CTPS2: variants seen among roughly 807,000 people sequenced by gnomAD.
CTPS2 encodes the protein CTP synthase II.
In CTPS2, 19 loss-of-function variants were observed where a neutral mutation model predicts 46.8. The observed-to-expected ratio is 0.41, with a 90% CI of 0.28 to 0.60. The LOEUF is 0.60. Among genes scored for constraint, CTPS2 ranks in the 20% least tolerant of loss-of-function variants. CTPS2 has a pLI of 0.35. For synonymous variants in CTPS2, 151 were observed against 165.2 expected (o/e 0.91, Z 0.66); for missense variants, 286 against 447.6 (o/e 0.64, Z 3.26).
chrX:16,663,229 C>G (rs1280821143), intron 13 of CTPS2, among the ~76,000 whole-genome samples: 1 of 111,645 alleles, frequency 9.0e-6, no homozygotes, highest in Admixed American at 9.6e-5. Context: ...CTCACTGCAG[C>G]TCAACCCCTG....
intron 13 of CTPS2, among the ~76,000 whole-genome samples, chrX:16,642,636 C>T (rs1932135507): frequency 8.9e-6 from 1 of 111,838 alleles, no homozygotes. Context: ...ATCAGATGAT[C>T]CTACAAGCTG....
intron 6 of CTPS2, among the ~76,000 whole-genome samples, chrX:16,692,824 G>A (rs1026556265): frequency 9.0e-5 from 10 of 110,648 alleles, no homozygotes; most frequent in South Asian, 3.9e-4. Context: ...TTGGGAGGCT[G>A]AGGCGGGCGG....
At chrX:16,626,151 G>C (rs1356749712) in intron 14 of CTPS2, among the ~76,000 whole-genome samples, 3 of 111,424 alleles carry the variant, frequency 2.7e-5, no homozygotes, top group Non-Finnish European at 3.8e-5. Context: ...GGAGACCAAG[G>C]GGGGCAGATC....
intron 4 of CTPS2, among the ~76,000 whole-genome samples, chrX:16,697,042 A>T (rs1924166443): frequency 1.8e-5 from 2 of 111,773 alleles, no homozygotes; most frequent in South Asian, 7.4e-4. Context: ...CTGTGACACC[A>T]TTCTAAGCAC....
intron 17 of CTPS2, among the ~76,000 whole-genome samples, chrX:16,601,585 G>T (rs59557014): frequency 0.022 from 1,366 of 61,268 alleles, 37 homozygotes; most frequent in African/African-American, 0.088. Flanking sequence ...GGGGGGGGGG[G>T]TTTAAGTTCC....
chrX:16,709,576 T>C (rs1016297630), intron 1 of CTPS2, among the ~76,000 whole-genome samples: 1 of 106,902 alleles, frequency 9.4e-6, no homozygotes, highest in African/African-American at 3.4e-5. Flanking sequence ...TATGGCCGGG[T>C]GCAATGGCTC....
rs574139090 is a variant in CTPS2 at position 16,695,015 on chromosome X, A to C, written c.439-1528T>G. 7.5e-4 allele frequency among the ~76,000 whole-genome samples: 83 copies of C among 111,073 alleles called. 1 individual carries two copies. In the South Asian group the frequency reaches 0.031, roughly 41 times the overall value. ...TGTCTCTTTAAAAAACAACAACAAC[A>C]ACAACAACAACTCAACGAAATGAAA... On this transcript the variant is annotated intron_variant, in intron 4 of 18. Transcript: ENST00000359276.
At chrX:16,711,071 T>C (rs1487143327) in intron 1 of CTPS2, among the ~76,000 whole-genome samples, 1 of 112,214 alleles carries the variant, frequency 8.9e-6, no homozygotes, top group Non-Finnish European at 1.9e-5. Context: ...CAGAACCAAG[T>C]GTTTATAGGA....
intron 8 of CTPS2, among the ~76,000 whole-genome samples, chrX:16,684,509 C>CAAAAAAAAA (rs1334791360): frequency 2.9e-5 from 2 of 70,072 alleles, no homozygotes; most frequent in African/African-American, 5.1e-5. Flanking sequence ...ACTCTGTCTC[C>CAAAAAAAAA]AAAAAAAAAA....
In CTPS2 at chrX:16,648,950, A is replaced by G. The variant is rs62589074; in HGVS notation, c.1297-9707T>C. Among the ~76,000 whole-genome samples, 859 of 111,981 alleles carry G rather than the reference A, an allele frequency of 7.7e-3. 4 individuals carry two copies. The highest frequency in any genetic ancestry group is 0.012 in the Non-Finnish European group (650 of 53,189). On this transcript the variant is annotated intron_variant, in intron 13 of 18. Coordinates refer to ENST00000359276, the MANE Select transcript of CTPS2 (RefSeq NM_175859.3). Reference sequence around the variant, plus strand: ...ATAAGGCAGAGTCAGGGAAAATTCTATAAGTGTGGAAGTGTACAAGTGTTT... The same window carrying G: ...ATAAGGCAGAGTCAGGGAAAATTCTGTAAGTGTGGAAGTGTACAAGTGTTT...
In CTPS2 at chrX:16,712,639, A is replaced by C. The variant is rs1236530281; in HGVS notation, c.-344T>G. On this transcript the variant is annotated 5_prime_UTR_variant, in exon 1 of 19. Coordinates refer to ENST00000359276, the MANE Select transcript of CTPS2 (RefSeq NM_175859.3). ...AAAAAGTGATTCCTCCAGCACAGGC[A>C]GCTCCCGTCACCCTCCGCTCTGGAC... The C allele has an allele frequency of 8.8e-6, 1 of 113,176 alleles. No individual in the cohort carries two copies. Among genetic ancestry groups the C allele is most frequent in the Non-Finnish European group, 1.9e-5 (1 of 53,484 alleles). The allele number at this position is 113,176 out of a possible 1,213,427, so 9.3% of individuals were successfully genotyped here. A position where few individuals can be genotyped will look rare whatever the true frequency, so the allele number is the denominator to read the frequency against.
chrX:16,599,775 A>ACC lies in CTPS2; in HGVS notation c.1692-8915_1692-8914dup, dbSNP rs10716191. ...ACAGGCGTGAGCCACCGCACCCGGC[A>ACC]CCCCCCCCCTTTTTTTTTCTTTTGA... On this transcript the variant is annotated intron_variant, in intron 17 of 18. Transcript: ENST00000359276. Among the ~76,000 whole-genome samples the ACC allele has an allele frequency of 1.8e-3, 163 of 91,402 alleles. 2 individuals are homozygous for ACC. Among genetic ancestry groups the ACC allele is most frequent in the African/African-American group, 6.4e-3 (160 of 25,099 alleles). The allele number at this position is 91,402 out of a possible 115,157, so 79.4% of individuals were successfully genotyped here.
At chrX:16,670,242 G>A (rs1167277030) in intron 11 of CTPS2, among the ~76,000 whole-genome samples, 3 of 111,864 alleles carry the variant, frequency 2.7e-5, no homozygotes, top group Non-Finnish European at 5.6e-5. Context: ...GATGAGAAAC[G>A]TTTTCTGTAA....
At chrX:16,594,125 C>T (rs1477612085) in intron 17 of CTPS2, among the ~76,000 whole-genome samples, 2 of 111,557 alleles carry the variant, frequency 1.8e-5, no homozygotes, top group African/African-American at 6.5e-5. Flanking sequence ...TATACTAGCT[C>T]GGGGCACAGG....
chrX:16,593,279 A>C (rs1248822720), intron 17 of CTPS2, among the ~76,000 whole-genome samples: 1 of 109,863 alleles, frequency 9.1e-6, no homozygotes, highest in East Asian at 2.9e-4. Flanking sequence ...AATACAAAAA[A>C]TTAGCCGGGT....
intron 4 of CTPS2, among the ~76,000 whole-genome samples, chrX:16,697,306 T>C (rs772191189): frequency 9.0e-6 from 1 of 110,510 alleles, no homozygotes; most frequent in South Asian, 3.9e-4. Flanking sequence ...ATTATTCTGC[T>C]CTTTCGCCCG....
At chrX:16,632,527 T>C (rs1436088945) in intron 14 of CTPS2, among the ~76,000 whole-genome samples, 3 of 109,884 alleles carry the variant, frequency 2.7e-5, no homozygotes, top group Non-Finnish European at 5.7e-5. Flanking sequence ...GTTCAAGCTA[T>C]TCTCCTGCCT....
intron 14 of CTPS2, among the ~76,000 whole-genome samples, chrX:16,636,214 A>G (rs1931736653): frequency 9.0e-6 from 1 of 110,993 alleles, no homozygotes; most frequent in African/African-American, 3.3e-5. Context: ...AGTGTGGCCA[A>G]CGAAACCCCG....
At chrX:16,701,426 G>A (rs1924543990) in intron 2 of CTPS2, among the ~76,000 whole-genome samples, 1 of 109,722 alleles carries the variant, frequency 9.1e-6, no homozygotes, top group Non-Finnish European at 1.9e-5. Context: ...AGGTGTGGTG[G>A]TGCACACCTG....
Sources: allele counts gnomAD v4.1 joint callset (sites outside exome capture counted in the v4.1 genomes callset), GRCh38; gene constraint gnomAD v4.1.1; transcripts MANE v1.5; gene names NCBI Gene and HGNC (gene_info 2026-07-23, HGNC 2026-07-21).